GABRB1: variants seen among roughly 807,000 people sequenced by gnomAD.
The protein encoded by GABRB1 is gamma-aminobutyric acid receptor subunit beta-1.
Under a neutral mutation model 51.6 loss-of-function variants are expected in GABRB1, and 17 were observed. The observed-to-expected ratio is 0.33, with a 90% CI of 0.23 to 0.49. The LOEUF is 0.49. Ranked by LOEUF, GABRB1 falls within the 20% of genes least tolerant of loss-of-function variation. GABRB1 has a pLI of 0.99. For synonymous variants in GABRB1, 247 were observed against 218.9 expected, an observed-to-expected ratio of 1.13 and a Z score of -1.14; for missense variants, 410 against 600.6, an observed-to-expected ratio of 0.68 and a Z score of 3.32.
chr4:47,160,750 T>G (rs779446703), intron 3 of GABRB1, among the ~76,000 whole-genome samples: 3 of 75,248 alleles, frequency 4.0e-5, no homozygotes, highest in Non-Finnish European at 5.1e-5. Context: ...TTCTAGTACT[T>G]TTATTATTTA....
chr4:47,362,765 G>C (rs1578123248), intron 5 of GABRB1, among the ~76,000 whole-genome samples: 1 of 152,192 alleles, frequency 6.6e-6, no homozygotes, highest in East Asian at 1.9e-4. Flanking sequence ...GGCGTCAACT[G>C]TTCATCACTG....
chr4:47,416,403 A>G (rs1728918904), intron 8 of GABRB1, among the ~76,000 whole-genome samples: 1 of 152,182 alleles, frequency 6.6e-6, no homozygotes, highest in Non-Finnish European at 1.5e-5. Flanking sequence ...AAGTAACTAG[A>G]AGATATAAAC....
intron 5 of GABRB1, among the ~76,000 whole-genome samples, chr4:47,350,206 T>TAGAGAGAGAG (rs1289991962): frequency 3.2e-5 from 3 of 93,618 alleles, no homozygotes; most frequent in East Asian, 8.2e-4. Flanking sequence ...TATATATATA[T>TAGAGAGAGAG]ATATATATAT....
Position 47,126,177 on chromosome 4 carries a change from A to T in GABRB1, c.241-35072A>T, listed in dbSNP as rs1577931719. ...TAGAGGAAATTATACTAAGTGAAAT[A>T]AGCTGGGCACAGAAAGACAAATACT... On this transcript the variant is annotated intron_variant, in intron 3 of 8. Coordinates refer to ENST00000295454, the MANE Select transcript of GABRB1 (RefSeq NM_000812.4). Among the ~76,000 whole-genome samples the T allele has an allele frequency of 2.0e-5, 3 of 152,110 alleles. No homozygotes were observed. The South Asian group carries it at 6.2e-4, about 31-fold the overall frequency.
At chr4:47,024,454 G>A (rs898567458) in intron 1 of GABRB1, among the ~76,000 whole-genome samples, 5 of 152,008 alleles carry the variant, frequency 3.3e-5, no homozygotes, top group East Asian at 1.9e-4. Flanking sequence ...TCCTCCATTC[G>A]ATATTTATTC....
Position 47,032,424 on chromosome 4 carries a change from C to A in GABRB1, c.180C>A (p.Pro60=), listed in dbSNP as rs546592196. 11 of 1,588,432 alleles carry A rather than the reference C, an allele frequency of 6.9e-6. No individual in the cohort carries two copies. The East Asian group carries it at 1.3e-4, about 19-fold the overall frequency. ...IRLRPDFGGP[P]VDVGMRIDVA... Reference sequence around the variant, plus strand: ...GGCCCACCTCCCCGGCAGGGCCCCCCGTCGACGTTGGGATGCGGATCGATG... The same window carrying A: ...GGCCCACCTCCCCGGCAGGGCCCCCAGTCGACGTTGGGATGCGGATCGATG... Residue 60 remains proline (P), a synonymous_variant, in exon 3 of 9, where the codon CCC becomes CCA. Coordinates refer to ENST00000295454, the MANE Select transcript of GABRB1 (RefSeq NM_000812.4).
intron 3 of GABRB1, among the ~76,000 whole-genome samples, chr4:47,127,664 A>G (rs1716218887): frequency 6.6e-6 from 1 of 151,664 alleles, no homozygotes; most frequent in Admixed American, 6.6e-5. Context: ...GAACTACCTT[A>G]CCTAGACTAA....
chr4:47,063,921 A>G (rs531196338), intron 3 of GABRB1, among the ~76,000 whole-genome samples: 1 of 152,206 alleles, frequency 6.6e-6, no homozygotes, highest in Non-Finnish European at 1.5e-5. Context: ...TAGAGAAAAG[A>G]GCTAATGCAT....
At chr4:47,032,155 C>CACAT (rs1725341875) in intron 2 of GABRB1, 150 bp downstream of exon 2, 3 of 691,284 alleles carry the variant, frequency 4.3e-6, no homozygotes, top group Admixed American at 5.3e-5. Flanking sequence ...CACACACACA[C>CACAT]ACACACCCCG....
intron 3 of GABRB1, among the ~76,000 whole-genome samples, chr4:47,049,935 T>G (rs939386567): frequency 6.6e-6 from 1 of 152,190 alleles, no homozygotes; most frequent in Non-Finnish European, 1.5e-5. Context: ...ATTTACTCTT[T>G]TTGGTAGTAC....
At chr4:47,102,822 A>T (rs975524039) in intron 3 of GABRB1, among the ~76,000 whole-genome samples, 1 of 152,046 alleles carries the variant, frequency 6.6e-6, no homozygotes, top group African/African-American at 2.4e-5. Flanking sequence ...AGGTTGAAAA[A>T]AGTTAAAACT....
chr4:46,995,969 TCA>T (rs1162208868), intron 1 of GABRB1, among the ~76,000 whole-genome samples: 1 of 152,198 alleles, frequency 6.6e-6, no homozygotes, highest in South Asian at 2.1e-4. Flanking sequence ...TCATTTTATT[TCA>T]CAGTCTTTTA....
chr4:47,086,064 T>C (rs1299264657), intron 3 of GABRB1, among the ~76,000 whole-genome samples: 4 of 152,240 alleles, frequency 2.6e-5, no homozygotes, highest in African/African-American at 9.6e-5. Flanking sequence ...ATATATTGTT[T>C]CCATAAAGAC....
Position 47,014,484 on chromosome 4 carries a change from T to G in GABRB1, c.-19-17430T>G, listed in dbSNP as rs527244805. ...AATTTTTTTTCCTCTCCTACACTTT[T>G]ACAATATTTCTGATCACCAAAATGT... is the stretch of plus-strand genomic sequence containing the variant. On this transcript the variant is annotated intron_variant, in intron 1 of 3. Transcript: ENST00000513567. 4.6e-5 allele frequency among the ~76,000 whole-genome samples: 7 copies of G among 152,272 alleles called. No homozygotes were observed. In the East Asian group the frequency reaches 1.2e-3, roughly 25 times the overall value.
intron 4 of GABRB1, among the ~76,000 whole-genome samples, chr4:47,220,809 A>T (rs1408318447): frequency 2.0e-5 from 3 of 151,806 alleles, no homozygotes; most frequent in Non-Finnish European, 4.4e-5. Context: ...TTGCTCTCAT[A>T]ATGTGTTAAC....
chr4:47,021,886 A>G (rs1724939163), intron 1 of GABRB1, among the ~76,000 whole-genome samples: 1 of 152,116 alleles, frequency 6.6e-6, no homozygotes, highest in South Asian at 2.1e-4. Context: ...GACTTACTAT[A>G]CAAAAAAGAC....
intron 5 of GABRB1, among the ~76,000 whole-genome samples, chr4:47,373,814 G>T (rs1425958517): frequency 2.0e-5 from 3 of 152,184 alleles, no homozygotes; most frequent in Admixed American, 6.5e-5. Flanking sequence ...AATTTGGTAA[G>T]TGCAAAGAAA....
intron 3 of GABRB1, among the ~76,000 whole-genome samples, chr4:47,099,215 A>G (rs1017429693): frequency 3.9e-5 from 6 of 152,114 alleles, no homozygotes; most frequent in African/African-American, 1.4e-4. Flanking sequence ...GGGCATACAT[A>G]CCCACATCAA....
rs1291460910 is a variant in GABRB1 at position 47,253,282 on chromosome 4, T to C, written c.462-66845T>C. Among the ~76,000 whole-genome samples the C allele has an allele frequency of 2.0e-5, 3 of 152,368 alleles. No individual in the cohort carries two copies. In the East Asian group the frequency reaches 5.8e-4, roughly 29 times the overall value. ...AGGAAGAGAGGTTGTTAGTTGTTTA[T>C]GTCAAAGGGGAATCCCATTTGTGTG... is the stretch of plus-strand genomic sequence containing the variant. On this transcript the variant is annotated intron_variant, in intron 4 of 8. Coordinates refer to ENST00000295454, the MANE Select transcript of GABRB1 (RefSeq NM_000812.4).
Sources: gnomAD v4.1 joint callset for allele counts (sites outside exome capture counted in the v4.1 genomes callset) on GRCh38, gnomAD v4.1.1 for gene constraint, MANE v1.5 for transcripts, NCBI Gene and HGNC (gene_info 2026-07-23, HGNC 2026-07-21) for gene names.